Variants in IGF2R observed in about 807,000 individuals in gnomAD.
IGF2R encodes insulin like growth factor 2 receptor, also known as cation-independent mannose-6-phosphate receptor.
IGF2R carries 91 observed loss-of-function variants against 270.6 expected under a neutral mutation model. The observed-to-expected ratio is 0.34, with a 90% CI of 0.28 to 0.40. The LOEUF (loss-of-function observed/expected upper bound fraction) is 0.40. Ranked by LOEUF, IGF2R falls within the 10% of genes least tolerant of loss-of-function variation. The probability of loss-of-function intolerance (pLI) is 1.00; values close to 1 mark genes in which losing one functional copy is unlikely to be tolerated. For synonymous variants in IGF2R, 1,316 were observed against 1,258.9 expected (o/e 1.05, Z -0.96); for missense variants, 2,805 against 3,188.3 (o/e 0.88, Z 2.90).
chr6:160,090,975 C>T (rs949998912), intron 44 of IGF2R, among the ~76,000 whole-genome samples: 2 of 144,226 alleles, frequency 1.4e-5, no homozygotes, highest in African/African-American at 5.3e-5. Flanking sequence ...GTGCTCTGTG[C>T]CCTGGTGCTG....
chr6:160,069,785 G>T, intron 30 of IGF2R, 83 bp from the exon 31 acceptor site: 1 of 1,251,176 alleles, frequency 8.0e-7, no homozygotes. Flanking sequence ...TCTGCAGCGT[G>T]TGTGACATTT....
At chr6:159,994,430 G>C (rs1171984223) in intron 2 of IGF2R, among the ~76,000 whole-genome samples, 1 of 151,126 alleles carries the variant, frequency 6.6e-6, no homozygotes, top group African/African-American at 2.4e-5. Flanking sequence ...GCATTTTTTG[G>C]GGGGGGTCTC....
chr6:160,088,663 GGGTGACTCAGA>G, intron 42 of IGF2R, among the ~76,000 whole-genome samples: 1 of 152,174 alleles, frequency 6.6e-6, no homozygotes, highest in Non-Finnish European at 1.5e-5. Flanking sequence ...TTTGGAAAAG[GGGTGACTCAGA>G]AATTGCCAAA....
At chr6:159,980,670 C>G in intron 1 of IGF2R, among the ~76,000 whole-genome samples, 1 of 152,168 alleles carries the variant, frequency 6.6e-6, no homozygotes, top group Non-Finnish European at 1.5e-5. Flanking sequence ...GCTGAGCTGA[C>G]AGCCCGCAGG....
At chr6:160,074,132 T>G in intron 35 of IGF2R, 157 bp downstream of exon 35, 2 of 619,690 alleles carry the variant, frequency 3.2e-6, no homozygotes, top group East Asian at 5.5e-5. Flanking sequence ...TACTGGAAGA[T>G]TAAAGGTTTG....
Position 160,100,042 on chromosome 6 carries a change from A to G in IGF2R, c.6843-2477A>G, listed in dbSNP as rs1440509579. 2.6e-5 allele frequency among the ~76,000 whole-genome samples: 4 copies of G among 152,250 alleles called. No homozygotes were observed. The East Asian group carries it at 5.8e-4, about 22-fold the overall frequency. On this transcript the variant is annotated intron_variant, in intron 45 of 47. Coordinates refer to ENST00000356956, the MANE Select transcript of IGF2R (RefSeq NM_000876.4). ...TGTAACTTCCAAAACAGCGGAGAAG[A>G]AAAGGAGAAGTAAAAATACTTAAAT...
At position 160,033,015 on chromosome 6, in the gene IGF2R, C is replaced by G. The variant is rs1230273065; in HGVS notation, c.1119C>G (p.Phe373Leu). 1 of 1,607,584 alleles carries G rather than the reference C, an allele frequency of 6.2e-7. No homozygotes were observed. The highest frequency in any genetic ancestry group is 2.2e-5 in the East Asian group (1 of 44,840). ...TCTGTGGAGAAACTGAAATACAGTTCTGTAATAAAAAACAAGCTGCAGTTT... is the reference window on the plus strand; with the variant it reads ...TCTGTGGAGAAACTGAAATACAGTTGTGTAATAAAAAACAAGCTGCAGTTT... Reference protein sequence around the residue: ...LNVCGETEIQFCNKKQAAVCQ... With the variant: ...LNVCGETEIQLCNKKQAAVCQ... Residue 373 changes from phenylalanine (F) to leucine (L), a missense_variant, in exon 9 of 48, where the codon TTC becomes TTG. By Grantham distance (22) the Phe-to-Leu change is conservative. This residue lies in a region of IGF2R where 954 missense variants were observed against 981.1 expected (regional missense o/e 0.97). Transcript: ENST00000356956.
Position 160,081,970 on chromosome 6 carries a change from C to T in IGF2R, c.5833+1695C>T, listed in dbSNP as rs147104164. On this transcript the variant is annotated intron_variant, in intron 39 of 47. Coordinates refer to ENST00000356956, the MANE Select transcript of IGF2R (RefSeq NM_000876.4). The stretch of plus-strand genomic sequence containing the variant: ...ATGCAATCATCACAGGGTCCTGAGG[C>T]GACATACATCCTCAGCTTACGAAGA... Among the ~76,000 whole-genome samples the T allele has an allele frequency of 2.2e-4, 34 of 152,192 alleles. 1 individual carries two copies. The South Asian group carries it at 2.7e-3, about 12-fold the overall frequency.
chr6:160,036,621 T>C (rs681401), intron 10 of IGF2R, among the ~76,000 whole-genome samples: 5,261 of 152,234 alleles, frequency 0.035, 220 homozygotes, highest in Admixed American at 0.13. Flanking sequence ...ACAGAATCAT[T>C]ATCCAAAAAG....
chr6:160,060,439 G>A (rs528252930), intron 22 of IGF2R, 108 bp from the exon 23 acceptor site: 13 of 1,080,848 alleles, frequency 1.2e-5, no homozygotes, highest in South Asian at 5.8e-5. Context: ...ACGAACGGCT[G>A]TGAAGCTTGT....
chr6:160,099,924 C>T (rs1166991647), intron 45 of IGF2R, among the ~76,000 whole-genome samples: 1 of 152,156 alleles, frequency 6.6e-6, no homozygotes, highest in Non-Finnish European at 1.5e-5. Flanking sequence ...AGGTAGAGTT[C>T]CTAATTGTTT....
intron 11 of IGF2R, among the ~76,000 whole-genome samples, 194 bp from the exon 12 acceptor site, chr6:160,042,954 A>T (rs944166507): frequency 2.6e-5 from 4 of 151,968 alleles, no homozygotes; most frequent in Non-Finnish European, 4.4e-5. Flanking sequence ...TGTCACATTA[A>T]ATGAGAAACC....
chr6:160,055,945 C>G (rs939196054), intron 19 of IGF2R, among the ~76,000 whole-genome samples: 5 of 152,130 alleles, frequency 3.3e-5, no homozygotes, highest in African/African-American at 1.2e-4. Flanking sequence ...CCATAAACTA[C>G]ACATCAAGAA....
chr6:160,058,187 T>C, intron 21 of IGF2R, 63 bp downstream of exon 21: 1 of 1,058,944 alleles, frequency 9.4e-7, no homozygotes, highest in South Asian at 1.3e-5. Context: ...ATTATTGAAG[T>C]CACCTGCACG....
chr6:160,056,561 G>T (rs1417247567), intron 20 of IGF2R, 36 bp downstream of exon 20: 2 of 1,370,278 alleles, frequency 1.5e-6, no homozygotes, highest in Non-Finnish European at 2.1e-6. Context: ...GTGCTGAGCT[G>T]CCTGCTGGAC....
chr6:160,077,114 G>A (rs1166457557), intron 36 of IGF2R, among the ~76,000 whole-genome samples: 1 of 152,162 alleles, frequency 6.6e-6, no homozygotes, highest in Admixed American at 6.5e-5. Flanking sequence ...GCTGTTTGGG[G>A]CTACTCCACA....
At position 160,092,410 on chromosome 6, in the gene IGF2R, T is replaced by G. The variant is rs183492028; in HGVS notation, c.6655+2307T>G. On this transcript the variant is annotated intron_variant, in intron 44 of 47. Transcript: ENST00000356956. ...CACATAAGACCTCCACGTTCACAAG[T>G]GGTATGTCTAGCAGACCTTTGAGGA... Among the ~76,000 whole-genome samples, 109 of 152,338 alleles carry G rather than the reference T, an allele frequency of 7.2e-4. 3 individuals carry two copies. In the East Asian group the frequency reaches 0.019, roughly 26 times the overall value.
At chr6:160,065,776 A>ATGTGTGTGTG (rs1366588708) in intron 29 of IGF2R, among the ~76,000 whole-genome samples, 40 of 109,958 alleles carry the variant, frequency 3.6e-4, no homozygotes, top group South Asian at 1.0e-3. Flanking sequence ...TCCTAGAGAT[A>ATGTGTGTGTG]TGTGTATGTG....
intron 11 of IGF2R, among the ~76,000 whole-genome samples, chr6:160,042,554 G>A (rs577532150): frequency 4.3e-4 from 66 of 152,212 alleles, no homozygotes; most frequent in South Asian, 1.7e-3. Context: ...GCCCCCTCAC[G>A]TCCTGCAGGT....
Sources: allele counts gnomAD v4.1 joint callset (sites outside exome capture counted in the v4.1 genomes callset), GRCh38; gene constraint gnomAD v4.1.1; regional missense constraint gnomAD v4.1.1; transcripts MANE v1.5; gene names NCBI Gene and HGNC (gene_info 2026-07-23, HGNC 2026-07-21).